Variants in KCNMA1 observed in about 807,000 individuals in gnomAD.
KCNMA1 encodes potassium calcium-activated channel subfamily M alpha 1.
KCNMA1 carries 29 observed loss-of-function variants against 140.0 expected under a neutral mutation model. The ratio of observed to expected loss-of-function variants is 0.21; its 90% CI spans 0.15 to 0.28. The LOEUF is 0.28. Ranked by LOEUF, KCNMA1 falls within the 10% of genes least tolerant of loss-of-function variation. The pLI is 1.00. For synonymous variants in KCNMA1, 612 were observed against 611.9 expected (o/e 1.00, Z 0.00); for missense variants, 880 against 1,602.2 (o/e 0.55, Z 7.70).
intron 2 of KCNMA1, among the ~76,000 whole-genome samples, chr10:77,374,020 T>C (rs550513878): frequency 3.1e-4 from 47 of 152,266 alleles, no homozygotes; most frequent in African/African-American, 1.1e-3. Context: ...ATGAAAAAGA[T>C]TGATTGGTCT....
intron 2 of KCNMA1, among the ~76,000 whole-genome samples, chr10:77,333,273 G>A (rs2087243819): frequency 6.6e-6 from 1 of 150,938 alleles, no homozygotes; most frequent in Admixed American, 6.6e-5. Context: ...GCACATGCCT[G>A]TAAGTCCAGT....
chr10:76,988,982 C>T (rs2082029683), intron 19 of KCNMA1, among the ~76,000 whole-genome samples: 1 of 152,106 alleles, frequency 6.6e-6, no homozygotes, highest in Non-Finnish European at 1.5e-5. Context: ...CAAGGTGTAA[C>T]AAATATGATG....
In KCNMA1 at chr10:77,086,604, A is replaced by G. The variant is rs201660936; in HGVS notation, c.1335-11T>C. ...AGGTTGGGGGAGATGCTACACAGGG[A>G]GAGAAGAAATCGCTATTAATTTAAT... On this transcript the variant is annotated splice_polypyrimidine_tract_variant and intron_variant, in intron 10 of 27. Coordinates refer to ENST00000286628, the MANE Select transcript of KCNMA1 (RefSeq NM_001161352.2). 27 of 1,592,840 alleles carry G rather than the reference A, an allele frequency of 1.7e-5. No individual in the cohort carries two copies. Among genetic ancestry groups the G allele is most frequent in the Non-Finnish European group, 2.2e-5 (26 of 1,160,808 alleles).
intron 1 of KCNMA1, chr10:77,498,830 A>G (rs2042808615): frequency 6.6e-6 from 1 of 152,204 alleles, no homozygotes; most frequent in African/African-American, 2.4e-5. Flanking sequence ...TAAATTTGAA[A>G]AAAAAAAGGA....
intron 2 of KCNMA1, among the ~76,000 whole-genome samples, chr10:77,361,776 G>C (rs2093971614): frequency 6.6e-6 from 1 of 152,216 alleles, no homozygotes; most frequent in African/African-American, 2.4e-5. Flanking sequence ...GGTGGCCACT[G>C]CCCGTGGCTG....
intron 1 of KCNMA1, among the ~76,000 whole-genome samples, chr10:77,527,966 C>T (rs2056401040): frequency 6.6e-6 from 1 of 152,158 alleles, no homozygotes; most frequent in Admixed American, 6.5e-5. Context: ...TGGGGAGAGA[C>T]TGCACTCTGG....
At chr10:77,161,500 C>G (rs1335739576) in intron 5 of KCNMA1, among the ~76,000 whole-genome samples, 1 of 152,158 alleles carries the variant, frequency 6.6e-6, no homozygotes, top group Non-Finnish European at 1.5e-5. Context: ...CTGCCCTGGC[C>G]TCCCAAGCTG....
intron 5 of KCNMA1, among the ~76,000 whole-genome samples, chr10:77,150,755 GATA>G (rs1026495356): frequency 6.6e-6 from 1 of 152,190 alleles, no homozygotes; most frequent in African/African-American, 2.4e-5. Context: ...AGATAAAGAA[GATA>G]ATAATAACAA....
In KCNMA1 at chr10:77,086,425, C is replaced by G. The variant is rs908102470; in HGVS notation, c.1440+63G>C. The G allele has an allele frequency of 1.5e-5, 18 of 1,229,414 alleles. No homozygotes were observed. The South Asian group carries it at 2.0e-4, about 14-fold the overall frequency. The allele number at this position is 1,229,414 out of a possible 1,614,324, so 76.2% of individuals were successfully genotyped here. ...GAGGTGTGTCCCCTCAGCACAGAGT[C>G]AGGACTCCCCCCAGACCCACACCAA... On this transcript the variant is annotated intron_variant, in intron 11 of 27. Coordinates refer to ENST00000286628, the MANE Select transcript of KCNMA1 (RefSeq NM_001161352.2).
At chr10:77,163,427 C>T (rs2098594605) in intron 5 of KCNMA1, among the ~76,000 whole-genome samples, 1 of 152,162 alleles carries the variant, frequency 6.6e-6, no homozygotes, top group African/African-American at 2.4e-5. Context: ...AAGAATTTTG[C>T]TGACCCTTAT....
chr10:77,117,270 T>C (rs1230698746), intron 6 of KCNMA1, among the ~76,000 whole-genome samples: 1 of 152,036 alleles, frequency 6.6e-6, no homozygotes, highest in Non-Finnish European at 1.5e-5. Context: ...GGAAACAGGC[T>C]GGGCACAGTG....
chr10:76,919,154 G>C (rs868506509), intron 23 of KCNMA1, among the ~76,000 whole-genome samples: 1 of 152,092 alleles, frequency 6.6e-6, no homozygotes, highest in Non-Finnish European at 1.5e-5. Flanking sequence ...CAGGGACTTA[G>C]GGGTTAAGAG....
At chr10:77,398,032 A>G (rs1377236201) in intron 2 of KCNMA1, among the ~76,000 whole-genome samples, 1 of 149,486 alleles carries the variant, frequency 6.7e-6, no homozygotes, top group Admixed American at 6.7e-5. Flanking sequence ...AATGTGATAT[A>G]TATGCATGTG....
chr10:77,395,716 C>T (rs1272186285), intron 2 of KCNMA1, among the ~76,000 whole-genome samples: 1 of 152,164 alleles, frequency 6.6e-6, no homozygotes, highest in African/African-American at 2.4e-5. Context: ...TCTATGGAAC[C>T]TAATTAAAGC....
intron 1 of KCNMA1, among the ~76,000 whole-genome samples, chr10:77,583,888 C>T (rs867152751): frequency 3.5e-4 from 53 of 152,146 alleles, no homozygotes; most frequent in Non-Finnish European, 6.6e-4. Context: ...CAAGGAAATG[C>T]CTTCCAGGTA....
intron 5 of KCNMA1, chr10:77,140,275 T>G (rs964967766): frequency 3.9e-5 from 6 of 152,664 alleles, no homozygotes; most frequent in Admixed American, 2.0e-4. Context: ...AGAAGAGCCA[T>G]GGACGGGTGA....
intron 14 of KCNMA1, among the ~76,000 whole-genome samples, chr10:77,058,893 C>CA (rs1414568607): frequency 1.3e-5 from 2 of 151,098 alleles, no homozygotes; most frequent in African/African-American, 2.4e-5. Flanking sequence ...AGAAAGGAAA[C>CA]AAACAAACAA....
At chr10:76,924,342 T>C (rs2057009440) in intron 23 of KCNMA1, among the ~76,000 whole-genome samples, 3 of 152,192 alleles carry the variant, frequency 2.0e-5, no homozygotes, top group Admixed American at 1.3e-4. Flanking sequence ...TCCATTTTTT[T>C]GAGGGTAAAA....
At chr10:77,139,900 G>GA (rs372886052) in intron 5 of KCNMA1, among the ~76,000 whole-genome samples, 8,134 of 151,274 alleles carry the variant, frequency 0.054, 272 homozygotes, top group South Asian at 0.096. Context: ...TGTAGCCCCT[G>GA]AAAAAAAAAT....
Sources: gnomAD v4.1 joint callset for allele counts (sites outside exome capture counted in the v4.1 genomes callset) on GRCh38, gnomAD v4.1.1 for gene constraint, MANE v1.5 for transcripts, NCBI Gene and HGNC (gene_info 2026-07-23, HGNC 2026-07-21) for gene names.